The following CLYBL variants were observed in gnomAD, a reference collection of about 807,000 sequenced individuals.
The protein encoded by CLYBL is citramalyl-CoA lyase, also known as citramalyl-CoA lyase, mitochondrial.
In CLYBL, 31 loss-of-function variants were observed where a neutral mutation model predicts 38.9. The observed-to-expected ratio is 0.80, with a 90% CI of 0.60 to 1.08. The LOEUF (loss-of-function observed/expected upper bound fraction) is 1.08. Ranked by LOEUF, CLYBL falls within the 50% of genes least tolerant of loss-of-function variation. The pLI, the probability that CLYBL is intolerant of heterozygous loss-of-function variation, is 0.00. For missense variants in CLYBL, 434 were observed against 411.6 expected (o/e 1.05, Z -0.47); for synonymous variants, 171 against 158.6 (o/e 1.08, Z -0.59).
At chr13:99,755,518 T>G (rs2049046472) in intron 1 of CLYBL, among the ~76,000 whole-genome samples, 2 of 152,124 alleles carry the variant, frequency 1.3e-5, no homozygotes, top group Non-Finnish European at 2.9e-5. Flanking sequence ...AGCCAGCCTG[T>G]TACCTCTGAT....
chr13:99,832,995 C>CATAT (rs1566345599), intron 2 of CLYBL, among the ~76,000 whole-genome samples: 2 of 46,100 alleles, frequency 4.3e-5, no homozygotes, highest in Middle Eastern at 0.017. Flanking sequence ...GTAGTATATA[C>CATAT]ATACATACAT....
rs1447228423 is a variant in CLYBL, at chr13:99,797,562, G to GTGTGTGTGTGTGTGTGTGTGTGTGTGTT, written c.249+24579_249+24580insTTGTGTGTGTGTGTGTGTGTGTGTGTGT. ...TCTGTGTCTGCCATGTTAGCTGTTT[G>GTGTGTGTGTGTGTGTGTGTGTGTGTGTT]TGTGTGTGTGTGTGTGTGTGTGTGT... On this transcript the variant is annotated intron_variant, in intron 2 of 8. Coordinates refer to ENST00000339105, the MANE Select transcript of CLYBL (RefSeq NM_206808.5). 8.9e-4 allele frequency among the ~76,000 whole-genome samples: 133 copies of GTGTGTGTGTGTGTGTGTGTGTGTGTGTT among 149,724 alleles called. No individual in the cohort carries two copies. The South Asian group carries it at 0.014, about 16-fold the overall frequency.
chr13:99,759,066 C>T lies in CLYBL; in HGVS notation c.63-13758C>T, dbSNP rs150735945. On this transcript the variant is annotated intron_variant, in intron 1 of 8. Coordinates refer to ENST00000339105, the MANE Select transcript of CLYBL (RefSeq NM_206808.5). ...GAGCTAGAGTTGCCTTTCTGCTCTT[C>T]CATTTGCTGGAAAGCACTAAGGGGC... Among the ~76,000 whole-genome samples the T allele has an allele frequency of 3.3e-5, 5 of 152,332 alleles. No individual in the cohort carries two copies. The East Asian group carries it at 5.8e-4, about 18-fold the overall frequency.
At chr13:99,766,501 A>G (rs1305748716) in intron 1 of CLYBL, among the ~76,000 whole-genome samples, 2 of 152,146 alleles carry the variant, frequency 1.3e-5, no homozygotes, top group Non-Finnish European at 2.9e-5. Flanking sequence ...CTTACATATC[A>G]TCCTCTCATT....
At chr13:99,663,465 A>G (rs1015159771) in intron 1 of CLYBL, among the ~76,000 whole-genome samples, 7 of 152,002 alleles carry the variant, frequency 4.6e-5, no homozygotes, top group African/African-American at 1.7e-4. Context: ...CTCACATTCC[A>G]CTGCTGGTCA....
chr13:99,808,646 A>G (rs1481903355), intron 2 of CLYBL, among the ~76,000 whole-genome samples: 1 of 152,234 alleles, frequency 6.6e-6, no homozygotes, highest in East Asian at 1.9e-4. Flanking sequence ...AATGGTGCCA[A>G]TTGAGGTTTC....
chr13:99,874,820 G>C (rs994234721), intron 7 of CLYBL, among the ~76,000 whole-genome samples: 8 of 152,100 alleles, frequency 5.3e-5, no homozygotes, highest in African/African-American at 1.4e-4. Flanking sequence ...TTTTAAAACA[G>C]TCACTAATCA....
intron 2 of CLYBL, among the ~76,000 whole-genome samples, chr13:99,790,693 G>A (rs781022409): frequency 1.3e-5 from 2 of 152,022 alleles, no homozygotes; most frequent in East Asian, 1.9e-4. Context: ...GTATTCTATC[G>A]GTTCATTTCT....
Position 99,863,094 on chromosome 13 carries a change from T to G in CLYBL, c.540+2T>G. The G allele has an allele frequency of 1.3e-6, 2 of 1,545,332 alleles. No individual in the cohort carries two copies. The highest frequency in any genetic ancestry group is 1.8e-6 in the Non-Finnish European group (2 of 1,123,110). Reference sequence around the variant, plus strand: ...GCAATGGGTTTGCTCAATTTTAAGGTAAGGAAGCCATAATACGGTTAATAA... The same window carrying G: ...GCAATGGGTTTGCTCAATTTTAAGGGAAGGAAGCCATAATACGGTTAATAA... On this transcript the variant is annotated splice_donor_variant, in intron 4 of 8. Transcript: ENST00000339105. LOFTEE classifies it high-confidence loss of function.
rs1314822051 is a variant in CLYBL, at chr13:99,869,251, G to A, written c.803-1687G>A. 6.6e-6 allele frequency among the ~76,000 whole-genome samples: 1 copy of A among 152,154 alleles called. No homozygotes were observed. Among genetic ancestry groups the A allele is most frequent in the Non-Finnish European group, 1.5e-5 (1 of 68,014 alleles). On this transcript the variant is annotated intron_variant, in intron 6 of 8. Transcript: ENST00000339105. The surrounding 1 kb of genome is among the most constrained non-coding windows in gnomAD (Gnocchi z 4.3). ...TTTCACAGTATTTTAAGTAGTTTATGTTTTGCTCCTCAAATTATAGTGCAT... is the reference window on the plus strand; with the variant it reads ...TTTCACAGTATTTTAAGTAGTTTATATTTTGCTCCTCAAATTATAGTGCAT...
intron 1 of CLYBL, among the ~76,000 whole-genome samples, chr13:99,724,863 CCT>C (rs2048447102): frequency 6.6e-6 from 1 of 152,152 alleles, no homozygotes; most frequent in Admixed American, 6.5e-5. Context: ...TCCTTGTGTA[CCT>C]CTCTAGGGCG....
At chr13:99,695,004 C>T (rs992385078) in intron 1 of CLYBL, among the ~76,000 whole-genome samples, 4 of 152,168 alleles carry the variant, frequency 2.6e-5, no homozygotes, top group Admixed American at 6.6e-5. Context: ...AGCATGTTCG[C>T]GAAGTCCTTG....
Position 99,615,864 on chromosome 13 carries a change from C to T in CLYBL, c.62+9107C>T, listed in dbSNP as rs551679273. 1.1e-3 allele frequency among the ~76,000 whole-genome samples: 173 copies of T among 152,234 alleles called. 2 individuals are homozygous for T. Among genetic ancestry groups the T allele is most frequent in the African/African-American group, 4.1e-3 (170 of 41,538 alleles). ...TGTTGTTTATTTTGAAACGGAGTCT[C>T]ACTCTGTCGCTCAGGCTGGAGTGCA... On this transcript the variant is annotated intron_variant, in intron 1 of 8. Coordinates refer to ENST00000339105, the MANE Select transcript of CLYBL (RefSeq NM_206808.5).
At chr13:99,851,419 A>G (rs1422598264) in intron 2 of CLYBL, among the ~76,000 whole-genome samples, 1 of 151,676 alleles carries the variant, frequency 6.6e-6, no homozygotes, top group Non-Finnish European at 1.5e-5. Flanking sequence ...ATGGTTGACA[A>G]TGTTGCATAA....
intron 2 of CLYBL, among the ~76,000 whole-genome samples, chr13:99,850,119 G>A (rs2051297647): frequency 1.3e-5 from 2 of 152,244 alleles, no homozygotes; most frequent in South Asian, 2.1e-4. Flanking sequence ...TAGCAAAAGT[G>A]CAATCAACAG....
At chr13:99,758,403 C>A (rs1473450379) in intron 1 of CLYBL, among the ~76,000 whole-genome samples, 1 of 152,164 alleles carries the variant, frequency 6.6e-6, no homozygotes, top group African/African-American at 2.4e-5. Flanking sequence ...ATCTTAAGCC[C>A]CTGCTTTGCA....
At chr13:99,730,411 C>T (rs897110005) in intron 1 of CLYBL, among the ~76,000 whole-genome samples, 3 of 152,162 alleles carry the variant, frequency 2.0e-5, no homozygotes, top group Non-Finnish European at 2.9e-5. Context: ...GAGCGAGTCA[C>T]GGGGAGAGCA....
At chr13:99,854,540 G>C (rs559847263) in intron 2 of CLYBL, among the ~76,000 whole-genome samples, 1 of 151,912 alleles carries the variant, frequency 6.6e-6, no homozygotes, top group South Asian at 2.1e-4. Flanking sequence ...CTTCACACTC[G>C]ATTTATTCTC....
rs2052388779 is a variant in CLYBL at position 99,887,847 on chromosome 13, G to A, written c.928-3471G>A. ...ATTGTCTTATAGATACAGAGTTTCA[G>A]GGATTTGGGGTTTTTTTTTTTTTTT... On this transcript the variant is annotated intron_variant, in intron 7 of 8. Coordinates refer to ENST00000339105, the MANE Select transcript of CLYBL (RefSeq NM_206808.5). Among the ~76,000 whole-genome samples, 3 of 115,030 alleles carry A rather than the reference G, an allele frequency of 2.6e-5. No individual in the cohort carries two copies. The South Asian group carries it at 7.0e-4, about 27-fold the overall frequency. The allele number at this position is 115,030 out of a possible 152,430, so 75.5% of individuals were successfully genotyped here.
Sources: allele counts gnomAD v4.1 joint callset (sites outside exome capture counted in the v4.1 genomes callset), GRCh38; gene constraint gnomAD v4.1.1; non-coding constraint Gnocchi (gnomAD v3.1); transcripts MANE v1.5; gene names NCBI Gene and HGNC (gene_info 2026-07-23, HGNC 2026-07-21).